The following HMCN1 variants were observed in gnomAD, a reference collection of about 807,000 sequenced individuals.
HMCN1 encodes the protein hemicentin-1.
A neutral mutation model predicts 625.9 loss-of-function variants in HMCN1; 321 were observed. That is an observed-to-expected ratio of 0.51 (90% CI 0.47 to 0.56). The LOEUF (loss-of-function observed/expected upper bound fraction) is 0.56. Ranked by LOEUF, HMCN1 falls within the 20% of genes least tolerant of loss-of-function variation. The pLI, the probability that HMCN1 is intolerant of heterozygous loss-of-function variation, is 0.00. For missense variants in HMCN1, 6,588 were observed against 6,887.3 expected (o/e 0.96, Z 1.54); for synonymous variants, 2,425 against 2,417.6 (o/e 1.00, Z -0.09).
chr1:186,122,826 A>T, intron 80 of HMCN1, 125 bp from the exon 81 acceptor site: 1 of 1,013,732 alleles, frequency 9.9e-7, no homozygotes, highest in Non-Finnish European at 1.5e-6. Context: ...CTCCTTTTCT[A>T]ATGATATGGT....
At position 186,108,546 on chromosome 1, in the gene HMCN1, T is replaced by G; in HGVS notation, c.10938T>G (p.Asp3646Glu). 6.2e-7 allele frequency: 1 copy of G among 1,614,124 alleles called. No homozygotes were observed. The highest frequency in any genetic ancestry group is 8.5e-7 in the Non-Finnish European group (1 of 1,180,016). Residue 3646 changes from aspartate (D) to glutamate (E), a missense_variant, in exon 71 of 107, where the codon GAT becomes GAG. Physicochemically the swap from Asp to Glu is conservative, Grantham distance 45. Around this residue, in one of 3 missense-constraint regions of HMCN1, gnomAD observed 4,628 missense variants for 4,853.1 expected, o/e 0.95. Transcript: ENST00000271588. Reference sequence around the variant, plus strand: ...AAGTGACATTGGAATGCAAGTCAGATGCAGTGCCCCCACCTGTAATTACTT... The same window carrying G: ...AAGTGACATTGGAATGCAAGTCAGAGGCAGTGCCCCCACCTGTAATTACTT... Reference protein sequence around the residue: ...NRQVTLECKSDAVPPPVITWL... With the variant: ...NRQVTLECKSEAVPPPVITWL...
Position 185,909,578 on chromosome 1 carries a change from G to C in HMCN1, c.793+70G>C. 2.9e-6 allele frequency: 4 copies of C among 1,362,526 alleles called. No individual in the cohort carries two copies. In the South Asian group the frequency reaches 3.6e-5, roughly 12 times the overall value. 84.4% of individuals were successfully genotyped at this position (1,362,526 alleles called of 1,614,324 possible). ...AGGGTAAAATACTTTTCACACACTT[G>C]TTTTTGTCAAGTTAATGCCAACTTC... On this transcript the variant is annotated intron_variant, in intron 5 of 106. Coordinates refer to ENST00000271588, the MANE Select transcript of HMCN1 (RefSeq NM_031935.3).
chr1:185,784,733 CTTTA>C (rs1373446144), intron 1 of HMCN1, among the ~76,000 whole-genome samples: 2 of 152,200 alleles, frequency 1.3e-5, no homozygotes, highest in South Asian at 2.1e-4. Context: ...TACTTCTTGT[CTTTA>C]TTTATTTTGT....
chr1:186,148,276 C>T (rs1427523863), intron 93 of HMCN1, among the ~76,000 whole-genome samples: 1 of 152,162 alleles, frequency 6.6e-6, no homozygotes, highest in African/African-American at 2.4e-5. Context: ...TTCTCTTGCT[C>T]TTTTAACCAC....
chr1:185,852,421 G>C (rs1662218259), intron 2 of HMCN1, among the ~76,000 whole-genome samples: 1 of 151,796 alleles, frequency 6.6e-6, no homozygotes, highest in African/African-American at 2.4e-5. Context: ...AAAAAGGAAA[G>C]AAAAGGCATT....
intron 20 of HMCN1, among the ~76,000 whole-genome samples, 198 bp from the exon 21 acceptor site, chr1:185,989,290 T>C (rs1023172073): frequency 3.3e-5 from 5 of 152,114 alleles, no homozygotes; most frequent in African/African-American, 4.8e-5. Context: ...CCACCGCACC[T>C]GGCCCAATTT....
At chr1:186,047,218 T>C (rs1656634157) in intron 41 of HMCN1, among the ~76,000 whole-genome samples, 1 of 151,848 alleles carries the variant, frequency 6.6e-6, no homozygotes, top group South Asian at 2.1e-4. Context: ...AAGACCAGAA[T>C]CACTGCTGAA....
In HMCN1 at chr1:186,188,114, C is replaced by A; in HGVS notation, c.16541+105C>A. On this transcript the variant is annotated intron_variant, in intron 106 of 106. Coordinates refer to ENST00000271588, the MANE Select transcript of HMCN1 (RefSeq NM_031935.3). ...TTGTCATGTGTAACTCACAGGAAGT[C>A]ACTAACTCCAGGAAGATGTGGGGTT... is the stretch of plus-strand genomic sequence containing the variant. 2.3e-6 allele frequency: 3 copies of A among 1,318,850 alleles called. No individual in the cohort carries two copies. The South Asian group carries it at 3.6e-5, about 16-fold the overall frequency. The allele number at this position is 1,318,850 out of a possible 1,614,324, so 81.7% of individuals were successfully genotyped here.
At chr1:186,161,952 C>T (rs1651517740) in intron 97 of HMCN1, among the ~76,000 whole-genome samples, 1 of 152,106 alleles carries the variant, frequency 6.6e-6, no homozygotes, top group Admixed American at 6.6e-5. Flanking sequence ...TTTCCTGAAT[C>T]TGAACGTTGG....
intron 6 of HMCN1, among the ~76,000 whole-genome samples, chr1:185,921,134 T>C (rs1195072811): frequency 6.6e-6 from 1 of 152,128 alleles, no homozygotes; most frequent in East Asian, 1.9e-4. Flanking sequence ...GGATAAGGGT[T>C]GTACTAAGAT....
At chr1:185,846,157 T>G in intron 2 of HMCN1, 61 bp downstream of exon 2, 1 of 1,275,986 alleles carries the variant, frequency 7.8e-7, no homozygotes, top group Non-Finnish European at 1.1e-6. Context: ...TTTGGCTGAT[T>G]TTCTTTATTT....
At chr1:185,813,218 A>G (rs1659637450) in intron 1 of HMCN1, among the ~76,000 whole-genome samples, 2 of 152,182 alleles carry the variant, frequency 1.3e-5, no homozygotes, top group Admixed American at 1.3e-4. Flanking sequence ...TATTAAAATA[A>G]GAAAATAGCT....
chr1:185,926,805 CCAGGGGATGTAAGAGAGAATCCGTT>C (rs1667299317), intron 9 of HMCN1, among the ~76,000 whole-genome samples: 2 of 152,262 alleles, frequency 1.3e-5, no homozygotes, highest in South Asian at 4.1e-4. Flanking sequence ...ACTTTGGTCA[CCAGGGGATGTAAGAGAGAATCCGTT>C]TGCATTAGCA....
intron 1 of HMCN1, among the ~76,000 whole-genome samples, chr1:185,764,260 G>A (rs539365966): frequency 6.6e-6 from 1 of 152,276 alleles, no homozygotes; most frequent in East Asian, 1.9e-4. Flanking sequence ...TGTGCATGTT[G>A]ATGGTATGTT....
chr1:185,757,575 A>G (rs756971797), intron 1 of HMCN1, among the ~76,000 whole-genome samples: 3 of 152,100 alleles, frequency 2.0e-5, no homozygotes, highest in Non-Finnish European at 4.4e-5. Flanking sequence ...AGATTACCCT[A>G]TTTTAATTTA....
In HMCN1 at chr1:185,963,801, C is replaced by A. The variant is rs1209435981; in HGVS notation, c.2004C>A (p.Ile668=). 6.2e-7 allele frequency: 1 copy of A among 1,609,040 alleles called. No individual in the cohort carries two copies. Among genetic ancestry groups the A allele is most frequent in the South Asian group, 1.1e-5 (1 of 90,976 alleles). The part of the protein sequence containing the change: ...YRMTSDGTLF[I]KNAAPKDAGI... ...TGACCTCAGATGGTACCTTATTTAT[C>A]AAAAATGCAGCTCCCAAAGATGCAG... Residue 668 remains isoleucine (I), a synonymous_variant, in exon 13 of 107, where the codon ATC becomes ATA. Transcript: ENST00000271588.
intron 1 of HMCN1, among the ~76,000 whole-genome samples, chr1:185,753,986 G>A (rs1654977848): frequency 6.6e-6 from 1 of 152,170 alleles, no homozygotes; most frequent in Non-Finnish European, 1.5e-5. Context: ...TCATTGCAGT[G>A]TTATTCACAA....
At chr1:185,888,300 C>T (rs1439013218) in intron 4 of HMCN1, among the ~76,000 whole-genome samples, 1 of 135,458 alleles carries the variant, frequency 7.4e-6, no homozygotes, top group Non-Finnish European at 1.5e-5. Context: ...TGTGCAGAAG[C>T]TCTTTAGTTT....
chr1:186,151,770 T>A, intron 95 of HMCN1, 27 bp downstream of exon 95: 1 of 1,608,854 alleles, frequency 6.2e-7, no homozygotes, highest in Non-Finnish European at 8.5e-7. Context: ...TTTAATATTC[T>A]ATTACTATAA....
Sources: allele counts gnomAD v4.1 joint callset (sites outside exome capture counted in the v4.1 genomes callset), GRCh38; gene constraint gnomAD v4.1.1; regional missense constraint gnomAD v4.1.1; transcripts MANE v1.5; gene names NCBI Gene and HGNC (gene_info 2026-07-23, HGNC 2026-07-21).